Variants in ARHGEF10 observed in about 807,000 individuals in gnomAD.
ARHGEF10 encodes the protein Rho guanine nucleotide exchange factor 10, also known as Rho guanine nucleotide exchange factor (GEF) 10.
ARHGEF10 carries 140 observed loss-of-function variants against 147.4 expected under a neutral mutation model. The observed-to-expected ratio is 0.95, with a 90% CI of 0.83 to 1.09. The LOEUF (loss-of-function observed/expected upper bound fraction) is 1.09, where lower values mean the gene tolerates loss of function less well. Among genes scored for constraint, ARHGEF10 ranks in the 50% least tolerant of loss-of-function variants. The probability of loss-of-function intolerance (pLI) is 0.00; values close to 1 mark genes in which losing one functional copy is unlikely to be tolerated. For missense variants in ARHGEF10, 2,222 were observed against 1,752.7 expected (o/e 1.27, Z -4.78); for synonymous variants, 902 against 695.8 (o/e 1.30, Z -4.67).
At chr8:1,901,618 G>C (rs1810468962) in intron 15 of ARHGEF10, among the ~76,000 whole-genome samples, 1 of 152,258 alleles carries the variant, frequency 6.6e-6, no homozygotes, top group Non-Finnish European at 1.5e-5. Context: ...AGCCTCCTTG[G>C]GTGGCTGCCA....
chr8:1,833,378 G>A (rs1161639172), intron 1 of ARHGEF10, among the ~76,000 whole-genome samples: 2 of 130,738 alleles, frequency 1.5e-5, no homozygotes, highest in Non-Finnish European at 3.3e-5. Flanking sequence ...AGAGACAGAG[G>A]CAGGTGCAGC....
rs1490544354 is a variant in ARHGEF10 at position 1,897,217 on chromosome 8, C to G, written c.1557+768C>G. ...AGCGAGTGAACACAGGGCAAGTATTCTCGCCCACAGCAACGTGTCATTGAA... is the reference window on the plus strand; with the variant it reads ...AGCGAGTGAACACAGGGCAAGTATTGTCGCCCACAGCAACGTGTCATTGAA... On this transcript the variant is annotated intron_variant, in intron 14 of 28. Coordinates refer to ENST00000349830, the MANE Select transcript of ARHGEF10 (RefSeq NM_014629.4). Among the ~76,000 whole-genome samples, 5 of 152,224 alleles carry G rather than the reference C, an allele frequency of 3.3e-5. No homozygotes were observed. In the East Asian group the frequency reaches 7.7e-4, roughly 23 times the overall value.
chr8:1,876,313 C>A (rs183513519), intron 7 of ARHGEF10: 1 of 544,418 alleles, frequency 1.8e-6, no homozygotes, highest in African/African-American at 1.9e-5. Flanking sequence ...AGGTGGTCCT[C>A]GGGGTACAGA....
intron 2 of ARHGEF10, among the ~76,000 whole-genome samples, chr8:1,850,743 C>A (rs1235517158): frequency 6.6e-6 from 1 of 152,180 alleles, no homozygotes; most frequent in African/African-American, 2.4e-5. Context: ...AATACCTGCC[C>A]ATATAGGTGT....
intron 7 of ARHGEF10, among the ~76,000 whole-genome samples, chr8:1,875,265 G>A (rs112839722): frequency 6.6e-4 from 96 of 146,032 alleles, no homozygotes; most frequent in Middle Eastern, 3.8e-3. Flanking sequence ...TGTAGGGGGT[G>A]GAGGTTCTAA....
At chr8:1,940,261 A>G (rs903877358) in intron 26 of ARHGEF10, among the ~76,000 whole-genome samples, 2 of 152,128 alleles carry the variant, frequency 1.3e-5, no homozygotes, top group Non-Finnish European at 2.9e-5. Flanking sequence ...CTCTGCCCCA[A>G]ACAGTTTTCC....
At chr8:1,886,859 G>C (rs1018053242) in intron 11 of ARHGEF10, among the ~76,000 whole-genome samples, 2 of 152,146 alleles carry the variant, frequency 1.3e-5, no homozygotes, top group Admixed American at 1.3e-4. Flanking sequence ...TCCCATCGCA[G>C]CCTGCTCCTA....
At chr8:1,827,465 T>C (rs1283715771) in intron 1 of ARHGEF10, among the ~76,000 whole-genome samples, 1 of 152,082 alleles carries the variant, frequency 6.6e-6, no homozygotes, top group Non-Finnish European at 1.5e-5. Flanking sequence ...CCCACCACCG[T>C]GCCCGGCTAA....
chr8:1,885,453 T>G, intron 10 of ARHGEF10, 148 bp from the exon 11 acceptor site: 1 of 638,576 alleles, frequency 1.6e-6, no homozygotes, highest in Middle Eastern at 4.1e-4. Flanking sequence ...TTGTTAAAAA[T>G]TCAACTTAAT....
At chr8:1,891,591 C>A (rs2129150852) in intron 11 of ARHGEF10, among the ~76,000 whole-genome samples, 1 of 152,278 alleles carries the variant, frequency 6.6e-6, no homozygotes, top group Non-Finnish European at 1.5e-5. Context: ...GGCCTAGGAG[C>A]CTCTCTGATT....
At chr8:1,866,244 G>C (rs1336400674) in intron 5 of ARHGEF10, among the ~76,000 whole-genome samples, 1 of 152,206 alleles carries the variant, frequency 6.6e-6, no homozygotes, top group Non-Finnish European at 1.5e-5. Flanking sequence ...AGGCCTTCTA[G>C]GGCAAGGACC....
intron 15 of ARHGEF10, among the ~76,000 whole-genome samples, chr8:1,901,494 C>A (rs141054115): frequency 5.9e-4 from 90 of 152,332 alleles, no homozygotes; most frequent in African/African-American, 2.1e-3. Context: ...CATCCATTGG[C>A]CCTGTGACAT....
chr8:1,926,626 A>G (rs1002045739), intron 23 of ARHGEF10, 163 bp downstream of exon 23: 1 of 709,822 alleles, frequency 1.4e-6, no homozygotes, highest in African/African-American at 1.8e-5. Context: ...GGAGCTGATC[A>G]CTTTTGGAAA....
intron 4 of ARHGEF10, among the ~76,000 whole-genome samples, chr8:1,861,151 T>G (rs1301676323): frequency 6.6e-6 from 1 of 152,258 alleles, no homozygotes; most frequent in Non-Finnish European, 1.5e-5. Flanking sequence ...ATTTCGAGTC[T>G]GCTTCCTCCT....
intron 8 of ARHGEF10, among the ~76,000 whole-genome samples, chr8:1,878,228 C>T (rs1807873346): frequency 1.3e-5 from 2 of 151,838 alleles, no homozygotes; most frequent in African/African-American, 2.4e-5. Context: ...TCTTGCCTGT[C>T]GCTCAGGCTG....
rs1253914146 is a variant in ARHGEF10 at position 1,909,223 on chromosome 8, TC to T, written c.1968-71del. On this transcript the variant is annotated intron_variant, in intron 17 of 28. Transcript: ENST00000349830. ...CAGTGGGAAGTTTCTCACTTGAACA[TC>T]TGAGGGATGAACATTACCATAACGT... 2.5e-6 allele frequency: 4 copies of T among 1,596,556 alleles called. No homozygotes were observed. In the Admixed American group the frequency reaches 6.7e-5, roughly 27 times the overall value.
At chr8:1,875,291 C>G (rs959135081) in intron 7 of ARHGEF10, among the ~76,000 whole-genome samples, 2 of 151,812 alleles carry the variant, frequency 1.3e-5, no homozygotes, top group African/African-American at 4.8e-5. Context: ...GCTGGAGGAA[C>G]AGTGGAGACA....
rs7018228 is a variant in ARHGEF10, at chr8:1,955,193, T to C, written c.3521-1556T>C. 1.1e-4 allele frequency among the ~76,000 whole-genome samples: 15 copies of C among 134,782 alleles called. 1 individual carries two copies. Among genetic ancestry groups the C allele is most frequent in the Middle Eastern group, 3.7e-3 (1 of 268 alleles). The allele number at this position is 134,782 out of a possible 152,430, so 88.4% of individuals were successfully genotyped here. On this transcript the variant is annotated intron_variant, in intron 28 of 28. Coordinates refer to ENST00000349830, the MANE Select transcript of ARHGEF10 (RefSeq NM_014629.4). ...TGAAAGGAGGTGCACTCTCACTGTT[T>C]CTCTGGATGGGTAGCCAGGTGCTTC...
At chr8:1,856,539 T>C (rs1805566362) in intron 2 of ARHGEF10, among the ~76,000 whole-genome samples, 1 of 152,238 alleles carries the variant, frequency 6.6e-6, no homozygotes, top group African/African-American at 2.4e-5. Context: ...TTTAGACCGC[T>C]AGAGTTCCCC....
Sources: allele counts gnomAD v4.1 joint callset (sites outside exome capture counted in the v4.1 genomes callset), GRCh38; gene constraint gnomAD v4.1.1; transcripts MANE v1.5; gene names NCBI Gene and HGNC (gene_info 2026-07-23, HGNC 2026-07-21).